TAF1B: variants seen among roughly 807,000 people sequenced by gnomAD.
TAF1B encodes the protein TATA box-binding protein-associated factor RNA polymerase I subunit B.
In TAF1B, 61 loss-of-function variants were observed where a neutral mutation model predicts 83.9. The ratio of observed to expected loss-of-function variants is 0.73; its 90% CI spans 0.59 to 0.90. TAF1B has a LOEUF of 0.90. TAF1B is among the 40% of genes least tolerant of loss of function. TAF1B has a pLI of 0.00. For synonymous variants in TAF1B, 221 were observed against 224.6 expected (o/e 0.98, Z 0.14); for missense variants, 625 against 677.0 (o/e 0.92, Z 0.85).
chr2:9,872,662 A>G (rs761646023), intron 6 of TAF1B, among the ~76,000 whole-genome samples: 44 of 152,174 alleles, frequency 2.9e-4, no homozygotes, highest in Admixed American at 7.8e-4. Flanking sequence ...GTAGCAGGAG[A>G]GAGCAGAGGC....
intron 8 of TAF1B, among the ~76,000 whole-genome samples, chr2:9,902,000 G>T (rs929843225): frequency 2.8e-4 from 42 of 152,038 alleles, no homozygotes; most frequent in African/African-American, 8.5e-4. Context: ...TAAACTGAAG[G>T]CATTTTTCCT....
intron 8 of TAF1B, among the ~76,000 whole-genome samples, chr2:9,886,277 G>A (rs1469053079): frequency 6.6e-6 from 1 of 151,406 alleles, no homozygotes; most frequent in Non-Finnish European, 1.5e-5. Context: ...ACTTTTGAAT[G>A]TGTTCATTTC....
intron 5 of TAF1B, among the ~76,000 whole-genome samples, chr2:9,855,016 C>T (rs1457215746): frequency 3.3e-5 from 5 of 151,874 alleles, no homozygotes; most frequent in Admixed American, 6.6e-5. Flanking sequence ...TTTTTTGAGA[C>T]GGAGTTTCAC....
Position 9,934,247 on chromosome 2 carries a change from T to C in TAF1B, c.*263T>C. The C allele has an allele frequency of 3.4e-6, 1 of 293,374 alleles. No homozygotes were observed. Among genetic ancestry groups the C allele is most frequent in the Middle Eastern group, 1.1e-3 (1 of 880 alleles). The allele number at this position is 293,374 out of a possible 1,614,324, so 18.2% of individuals were successfully genotyped here. A position where few individuals can be genotyped will look rare whatever the true frequency, so the allele number is the denominator to read the frequency against. On this transcript the variant is annotated 3_prime_UTR_variant, in exon 15 of 15. Coordinates refer to ENST00000263663, the MANE Select transcript of TAF1B (RefSeq NM_005680.3). Reference sequence around the variant, plus strand: ...TTGTATAATTGTATCCAGAAATGTATACTCATCGTATTTTAAAGCTAAATT... The same window carrying C: ...TTGTATAATTGTATCCAGAAATGTACACTCATCGTATTTTAAAGCTAAATT...
intron 1 of TAF1B, among the ~76,000 whole-genome samples, chr2:9,844,788 G>A (rs537514297): frequency 2.6e-5 from 4 of 152,264 alleles, no homozygotes; most frequent in African/African-American, 9.6e-5. Context: ...TTATGCTGCC[G>A]AGTGAATAAA....
intron 12 of TAF1B, 99 bp downstream of exon 12, chr2:9,913,348 T>C (rs1279381478): frequency 1.1e-6 from 1 of 902,492 alleles, no homozygotes; most frequent in Non-Finnish European, 1.7e-6. Context: ...CTTATCTACA[T>C]TGTGACTTTT....
Position 9,914,635 on chromosome 2 carries a change from C to G in TAF1B, c.1271+1386C>G, listed in dbSNP as rs1453897532. Among the ~76,000 whole-genome samples the G allele has an allele frequency of 6.6e-6, 1 of 152,170 alleles. No individual in the cohort carries two copies. Among genetic ancestry groups the G allele is most frequent in the African/African-American group, 2.4e-5 (1 of 41,440 alleles). ...TGTTATGTCAGTTGCACATTTAAGA[C>G]TTACCGGCTTTTAGCTACTTTAGGG... On this transcript the variant is annotated intron_variant, in intron 12 of 14. Coordinates refer to ENST00000263663, the MANE Select transcript of TAF1B (RefSeq NM_005680.3). The surrounding 1 kb of genome is among the most constrained non-coding windows in gnomAD (Gnocchi z 4.3).
chr2:9,893,776 CAA>C (rs1664939977), intron 8 of TAF1B, among the ~76,000 whole-genome samples: 1 of 147,484 alleles, frequency 6.8e-6, no homozygotes, highest in African/African-American at 2.5e-5. Flanking sequence ...GGCAAGTTAA[CAA>C]TGAGCAAAAT....
At chr2:9,863,090 A>C (rs1044450196) in intron 5 of TAF1B, among the ~76,000 whole-genome samples, 1 of 152,248 alleles carries the variant, frequency 6.6e-6, no homozygotes, top group Non-Finnish European at 1.5e-5. Context: ...AGATTCACAC[A>C]TAACAATATT....
rs149214423 is a variant in TAF1B at position 9,884,729 on chromosome 2, G to T, written c.807+1924G>T. 4.1e-3 allele frequency among the ~76,000 whole-genome samples: 622 copies of T among 152,240 alleles called. 7 individuals are homozygous for T. Among genetic ancestry groups the T allele is most frequent in the African/African-American group, 0.014 (575 of 41,530 alleles). ...TCTTCCCAGCTCTCAGCAGAGAGGG[G>T]GCCCTGGAGTGGGTTGCTTCTCTCT... is the stretch of plus-strand genomic sequence containing the variant. On this transcript the variant is annotated intron_variant, in intron 8 of 14. Coordinates refer to ENST00000263663, the MANE Select transcript of TAF1B (RefSeq NM_005680.3).
intron 11 of TAF1B, among the ~76,000 whole-genome samples, chr2:9,912,255 CT>C (rs376993908): frequency 0.064 from 9,319 of 145,068 alleles, 332 homozygotes; most frequent in Non-Finnish European, 0.085. Context: ...GGGATCATAT[CT>C]TTTTTTTTTT....
At chr2:9,917,705 G>T (rs1409046985) in intron 12 of TAF1B, among the ~76,000 whole-genome samples, 1 of 152,166 alleles carries the variant, frequency 6.6e-6, no homozygotes, top group Non-Finnish European at 1.5e-5. Context: ...AACACTAGGG[G>T]CATAAGGATG....
intron 8 of TAF1B, among the ~76,000 whole-genome samples, chr2:9,889,948 G>C (rs1406797420): frequency 6.6e-6 from 1 of 151,934 alleles, no homozygotes; most frequent in Non-Finnish European, 1.5e-5. Flanking sequence ...TTTTTCCCTG[G>C]CCTCAGATAT....
chr2:9,899,434 C>T (rs955694555), intron 8 of TAF1B, among the ~76,000 whole-genome samples: 7 of 152,088 alleles, frequency 4.6e-5, no homozygotes, highest in Non-Finnish European at 8.8e-5. Context: ...CCAGCTTTGT[C>T]TTATATAAAA....
chr2:9,890,918 G>A (rs56382546), intron 8 of TAF1B, among the ~76,000 whole-genome samples: 42,406 of 151,952 alleles, frequency 0.28, 6,904 homozygotes, highest in Middle Eastern at 0.39. Flanking sequence ...TTACAGGCAT[G>A]CGCCACCAAT....
chr2:9,884,940 T>C (rs991136174), intron 8 of TAF1B, among the ~76,000 whole-genome samples: 4 of 152,218 alleles, frequency 2.6e-5, no homozygotes, highest in Admixed American at 2.6e-4. Context: ...TGCCAATATT[T>C]AATAATCTGA....
chr2:9,893,174 T>C (rs1664922369), intron 8 of TAF1B, among the ~76,000 whole-genome samples: 1 of 152,226 alleles, frequency 6.6e-6, no homozygotes, highest in Non-Finnish European at 1.5e-5. Flanking sequence ...ATATATCCTG[T>C]ATCCAGAGTT....
chr2:9,857,186 G>T (rs1448139179), intron 5 of TAF1B, among the ~76,000 whole-genome samples: 1 of 152,176 alleles, frequency 6.6e-6, no homozygotes, highest in East Asian at 1.9e-4. Flanking sequence ...GGCAAGAAAT[G>T]CAGAATTTCA....
At chr2:9,894,991 C>T (rs182774743) in intron 8 of TAF1B, among the ~76,000 whole-genome samples, 1 of 152,314 alleles carries the variant, frequency 6.6e-6, no homozygotes, top group Admixed American at 6.5e-5. Context: ...CAGCTCTGAT[C>T]CTGGGGCCAA....
Sources: allele counts gnomAD v4.1 joint callset (sites outside exome capture counted in the v4.1 genomes callset), GRCh38; gene constraint gnomAD v4.1.1; non-coding constraint Gnocchi (gnomAD v3.1); transcripts MANE v1.5; gene names NCBI Gene and HGNC (gene_info 2026-07-23, HGNC 2026-07-21).